Variants in CFTR observed in about 807,000 individuals in gnomAD.
The protein encoded by CFTR is cystic fibrosis transmembrane conductance regulator.
A neutral mutation model predicts 171.6 loss-of-function variants in CFTR; 181 were observed. That is an observed-to-expected ratio of 1.05 (90% CI 0.93 to 1.19). The LOEUF (loss-of-function observed/expected upper bound fraction) is 1.19, where lower values mean the gene tolerates loss of function less well. Ranked by LOEUF, CFTR falls within the 50% of genes most tolerant of loss-of-function variation. The pLI, the probability that CFTR is intolerant of heterozygous loss-of-function variation, is 0.00. For missense variants in CFTR, 1,968 were observed against 1,734.7 expected (o/e 1.13, Z -2.39); for synonymous variants, 583 against 608.0 (o/e 0.96, Z 0.60).
intron 1 of CFTR, among the ~76,000 whole-genome samples, chr7:117,491,876 C>T (rs775483152): frequency 4.5e-4 from 69 of 152,070 alleles, no homozygotes; most frequent in Admixed American, 7.2e-4. Context: ...TCTTTAGGAG[C>T]AGAATGCGAT....
At chr7:117,559,374 T>C (rs1799414717) in intron 10 of CFTR, 90 bp from the exon 11 acceptor site, 3 of 855,816 alleles carry the variant, frequency 3.5e-6, no homozygotes, top group Non-Finnish European at 6.0e-6. Context: ...CAAATAAGAA[T>C]ATACACTTCT....
rs780578035 is a variant in CFTR, at chr7:117,592,376, T to A, written c.2209T>A (p.Ser737Thr). Residue 737 changes from serine to threonine, a missense_variant, in exon 14 of 27, where the codon TCC becomes ACC. Physicochemically the swap from Ser to Thr is moderately conservative, Grantham distance 58. Coordinates refer to ENST00000003084, the MANE Select transcript of CFTR (RefSeq NM_000492.4). ...TGATGAGCCTTTAGAGAGAAGGCTGTCCTTAGTACCAGATTCTGAGCAGGG... is the reference window on the plus strand; with the variant it reads ...TGATGAGCCTTTAGAGAGAAGGCTGACCTTAGTACCAGATTCTGAGCAGGG... ...DSDEPLERRL[S>T]LVPDSEQGEA... 2 of 1,614,160 alleles carry A rather than the reference T, an allele frequency of 1.2e-6. No homozygotes were observed. The highest frequency in any genetic ancestry group is 2.2e-5 in the East Asian group (1 of 44,882).
chr7:117,639,001 G>A lies in CFTR; in HGVS notation c.3718-3437G>A, dbSNP rs374935615. ...GCTCAGCTTTAGGCTGCCCTTCTTG[G>A]GGGGGAAAAAAGCAGTTGAAATTTA... On this transcript the variant is annotated intron_variant, in intron 22 of 26. Transcript: ENST00000003084. Among the ~76,000 whole-genome samples the A allele has an allele frequency of 2.0e-5, 3 of 151,906 alleles. No homozygotes were observed. The East Asian group carries it at 5.8e-4, about 29-fold the overall frequency.
At chr7:117,491,411 A>G (rs1436392404) in intron 1 of CFTR, among the ~76,000 whole-genome samples, 1 of 152,064 alleles carries the variant, frequency 6.6e-6, no homozygotes, top group Non-Finnish European at 1.5e-5. Context: ...TGCTAGGGCT[A>G]CCATAACAAA....
At chr7:117,538,023 G>T (rs1411979384) in intron 7 of CFTR, among the ~76,000 whole-genome samples, 1 of 152,136 alleles carries the variant, frequency 6.6e-6, no homozygotes, top group Non-Finnish European at 1.5e-5. Context: ...TGTTGTTATT[G>T]TTCCCTCTTC....
chr7:117,637,484 G>C (rs2116153345), intron 22 of CFTR, among the ~76,000 whole-genome samples: 1 of 152,246 alleles, frequency 6.6e-6, no homozygotes, highest in East Asian at 1.9e-4. Flanking sequence ...CGGGAGTTGA[G>C]TATTTCCCTT....
intron 15 of CFTR, among the ~76,000 whole-genome samples, chr7:117,596,196 G>A (rs1258360193): frequency 2.6e-5 from 4 of 152,128 alleles, no homozygotes; most frequent in Non-Finnish European, 5.9e-5. Flanking sequence ...GTGGGCCAGC[G>A]CGAGTTCTGG....
At position 117,667,510 on chromosome 7, in the gene CFTR, C is replaced by T; in HGVS notation, c.*402C>T. 3.1e-6 allele frequency: 1 copy of T among 320,902 alleles called. No individual in the cohort carries two copies. The highest frequency in any genetic ancestry group is 2.8e-5 in the South Asian group (1 of 36,064). 19.9% of individuals were successfully genotyped at this position (320,902 alleles called of 1,614,324 possible). A position where few individuals can be genotyped will look rare whatever the true frequency, so the allele number is the denominator to read the frequency against. ...TTGGAGAAGAACTGAAATCATACTT[C>T]TTAGGGTTATGATTAAGTAATGATA... On this transcript the variant is annotated 3_prime_UTR_variant, in exon 27 of 27. Coordinates refer to ENST00000003084, the MANE Select transcript of CFTR (RefSeq NM_000492.4).
intron 10 of CFTR, among the ~76,000 whole-genome samples, chr7:117,553,928 A>G (rs1418163516): frequency 6.6e-6 from 1 of 152,184 alleles, no homozygotes; most frequent in Non-Finnish European, 1.5e-5. Context: ...TTCAGATGGG[A>G]CTGACTATAC....
Position 117,608,435 on chromosome 7 carries a change from A to T in CFTR, c.2988+1682A>T, listed in dbSNP as rs371208878. ...GGCCAGGCTGGTCTTGAACTCCTGA[A>T]CTCCTGACCTCAAGTGATCCACCTG... On this transcript the variant is annotated intron_variant, in intron 18 of 26. Coordinates refer to ENST00000003084, the MANE Select transcript of CFTR (RefSeq NM_000492.4). 1.4e-4 allele frequency among the ~76,000 whole-genome samples: 22 copies of T among 152,120 alleles called. No homozygotes were observed. The East Asian group carries it at 3.5e-3, about 24-fold the overall frequency.
At position 117,506,114 on chromosome 7, in the gene CFTR, G is replaced by A. The variant is rs117327320; in HGVS notation, c.164+1751G>A. On this transcript the variant is annotated intron_variant, in intron 2 of 26. Coordinates refer to ENST00000003084, the MANE Select transcript of CFTR (RefSeq NM_000492.4). ...TTGTTGAATGAATCCATGATGGAAT[G>A]TGAAATGGCTAGCATTACATAGAAA... Among the ~76,000 whole-genome samples, 904 of 152,296 alleles carry A rather than the reference G, an allele frequency of 5.9e-3. 5 individuals are homozygous for A. The highest frequency in any genetic ancestry group is 0.01 in the Middle Eastern group (3 of 294).
At chr7:117,599,140 G>A (rs1262988228) in intron 15 of CFTR, among the ~76,000 whole-genome samples, 2 of 152,024 alleles carry the variant, frequency 1.3e-5, no homozygotes, top group Non-Finnish European at 2.9e-5. Context: ...CCACATTAAT[G>A]TCTGCCAGTC....
intron 11 of CFTR, among the ~76,000 whole-genome samples, chr7:117,582,431 A>G (rs1791862319): frequency 6.6e-6 from 1 of 152,198 alleles, no homozygotes; most frequent in Non-Finnish European, 1.5e-5. Context: ...GACTCAGGAG[A>G]AAGGACACTT....
chr7:117,522,294 A>G (rs1237320076), intron 3 of CFTR, among the ~76,000 whole-genome samples: 1 of 152,248 alleles, frequency 6.6e-6, no homozygotes. Flanking sequence ...CTGCAGACTC[A>G]GATCATATAA....
intron 25 of CFTR, 99 bp from the exon 26 acceptor site, chr7:117,665,360 T>C: frequency 1.3e-6 from 1 of 752,268 alleles, no homozygotes; most frequent in Non-Finnish European, 2.3e-6. Context: ...AAGAAATAAG[T>C]AATTTAAAGA....
At position 117,655,184 on chromosome 7, in the gene CFTR, C is replaced by G. The variant is rs79450611; in HGVS notation, c.3963+2253C>G. On this transcript the variant is annotated intron_variant, in intron 24 of 26. Coordinates refer to ENST00000003084, the MANE Select transcript of CFTR (RefSeq NM_000492.4). ...TTTTCCAAATTTTGAAGTTCTGCTT[C>G]CCTTTTGATCAATAATTCCATTTTA... Among the ~76,000 whole-genome samples, 284 of 152,278 alleles carry G rather than the reference C, an allele frequency of 1.9e-3. 1 individual carries two copies. The highest frequency in any genetic ancestry group is 6.7e-3 in the African/African-American group (280 of 41,568).
intron 26 of CFTR, 128 bp from the exon 27 acceptor site, chr7:117,666,780 T>C: frequency 1.2e-6 from 1 of 800,576 alleles, no homozygotes; most frequent in Non-Finnish European, 2.2e-6. Flanking sequence ...ACCTGATTGT[T>C]CAAAATGCAA....
intron 1 of CFTR, among the ~76,000 whole-genome samples, chr7:117,495,252 G>A (rs1033942149): frequency 1.5e-4 from 23 of 152,202 alleles, no homozygotes; most frequent in Non-Finnish European, 3.1e-4. Context: ...TGTGGCTCTT[G>A]TTAGTGGCTT....
intron 22 of CFTR, among the ~76,000 whole-genome samples, chr7:117,637,628 G>A (rs912043653): frequency 5.3e-5 from 8 of 152,076 alleles, no homozygotes; most frequent in African/African-American, 7.2e-5. Flanking sequence ...TGTAATCCCC[G>A]CACTTTGGGA....
Sources: gnomAD v4.1 joint callset for allele counts (sites outside exome capture counted in the v4.1 genomes callset) on GRCh38, gnomAD v4.1.1 for gene constraint, MANE v1.5 for transcripts, NCBI Gene and HGNC (gene_info 2026-07-23, HGNC 2026-07-21) for gene names.